Variants in FYB1 observed in about 807,000 individuals in gnomAD.
The protein encoded by FYB1 is FYN-binding protein 1.
FYB1 carries 41 observed loss-of-function variants against 94.1 expected under a neutral mutation model. The ratio of observed to expected loss-of-function variants is 0.44; its 90% CI spans 0.34 to 0.57. The LOEUF (loss-of-function observed/expected upper bound fraction) is 0.57, where lower values mean the gene tolerates loss of function less well. FYB1 is among the 20% of genes least tolerant of loss of function. The pLI is 0.02. For missense variants in FYB1, 1,050 were observed against 976.8 expected (o/e 1.07, Z -1.00); for synonymous variants, 367 against 353.2 (o/e 1.04, Z -0.44).
At chr5:39,120,673 T>C (rs1740007485) in intron 14 of FYB1, among the ~76,000 whole-genome samples, 1 of 152,176 alleles carries the variant, frequency 6.6e-6, no homozygotes, top group African/African-American at 2.4e-5. Flanking sequence ...GCTATAGATA[T>C]CTTTAGTGAG....
chr5:39,157,459 A>G (rs1210318134), intron 2 of FYB1, among the ~76,000 whole-genome samples: 4 of 152,322 alleles, frequency 2.6e-5, no homozygotes, highest in African/African-American at 7.2e-5. Context: ...GGAAACCAGA[A>G]AGCAGGGATG....
At chr5:39,228,139 G>A (rs151154567) in intron 1 of FYB1, among the ~76,000 whole-genome samples, 1 of 152,236 alleles carries the variant, frequency 6.6e-6, no homozygotes, top group East Asian at 1.9e-4. Context: ...AGGATCTGGG[G>A]TCCTGGCCAT....
intron 1 of FYB1, among the ~76,000 whole-genome samples, chr5:39,258,316 C>G (rs559480477): frequency 6.6e-6 from 1 of 152,074 alleles, no homozygotes; most frequent in African/African-American, 2.4e-5. Context: ...AGATATGAAG[C>G]TAGCCGGGCG....
intron 15 of FYB1, among the ~76,000 whole-genome samples, chr5:39,119,334 T>A (rs1273987904): frequency 6.6e-6 from 1 of 152,088 alleles, no homozygotes; most frequent in African/African-American, 2.4e-5. Context: ...TTTATAAAAA[T>A]AAATTTAAAT....
intron 3 of FYB1, among the ~76,000 whole-genome samples, chr5:39,148,328 C>G (rs1207915172): frequency 1.5e-5 from 2 of 134,234 alleles, no homozygotes; most frequent in African/African-American, 5.5e-5. Context: ...CCATGCCCAG[C>G]TGGCCTTTTA....
In FYB1 at chr5:39,202,037, A is replaced by C. The variant is rs373750612; in HGVS notation, c.924T>G (p.Thr308=). Residue 308 remains threonine (T), a synonymous_variant, in exon 2 of 19, where the codon ACT becomes ACG. Transcript: ENST00000512982. ...GGGCCTTAGGGAACCTGGCAGGAGG[A>C]GTCCCTGAGGCCAACTCTTCCTGAT... ...KINQEELASG[T]PPARFPKAPS... 6 of 1,613,864 alleles carry C rather than the reference A, an allele frequency of 3.7e-6. No individual in the cohort carries two copies. The highest frequency in any genetic ancestry group is 3.3e-5 in the Admixed American group (2 of 60,006).
chr5:39,243,519 T>G (rs1751317407), intron 1 of FYB1, among the ~76,000 whole-genome samples: 1 of 151,476 alleles, frequency 6.6e-6, no homozygotes. Flanking sequence ...TTGGTACCAG[T>G]ACCATGCTGT....
intron 1 of FYB1, among the ~76,000 whole-genome samples, chr5:39,274,109 G>C (rs190932838): frequency 4.1e-4 from 63 of 152,198 alleles, no homozygotes; most frequent in African/African-American, 1.5e-3. Flanking sequence ...ATTTTCAGTA[G>C]AGATGGGGTT....
chr5:39,222,205 C>T (rs531576016), upstream of FYB1, among the ~76,000 whole-genome samples: 1 of 152,022 alleles, frequency 6.6e-6, no homozygotes, highest in Non-Finnish European at 1.5e-5. Flanking sequence ...CTGGGTAAGG[C>T]CTTCTGAGCT....
intron 2 of FYB1, among the ~76,000 whole-genome samples, chr5:39,187,457 T>C (rs1746933902): frequency 6.6e-6 from 1 of 152,224 alleles, no homozygotes; most frequent in African/African-American, 2.4e-5. Flanking sequence ...CTTAACATAC[T>C]AAAACATCAC....
At chr5:39,197,052 A>C (rs1185362415) in intron 2 of FYB1, among the ~76,000 whole-genome samples, 1 of 152,192 alleles carries the variant, frequency 6.6e-6, no homozygotes, top group Non-Finnish European at 1.5e-5. Context: ...TTGGATGAGA[A>C]CCTGGAAAGG....
intron 1 of FYB1, among the ~76,000 whole-genome samples, chr5:39,261,475 A>C (rs893447766): frequency 2.0e-5 from 3 of 152,064 alleles, no homozygotes; most frequent in African/African-American, 7.2e-5. Context: ...GGCTGGGTGC[A>C]GTGGCTCACG....
At chr5:39,117,139 C>T (rs1739650734) in intron 16 of FYB1, among the ~76,000 whole-genome samples, 1 of 152,148 alleles carries the variant, frequency 6.6e-6, no homozygotes, top group Non-Finnish European at 1.5e-5. Flanking sequence ...TTAGACTCAT[C>T]ACCTTATTGA....
At position 39,107,344 on chromosome 5, in the gene FYB1, T is replaced by C; in HGVS notation, c.*99A>G. 1 of 739,838 alleles carries C rather than the reference T, an allele frequency of 1.4e-6. No homozygotes were observed. The highest frequency in any genetic ancestry group is 3.2e-5 in the Admixed American group (1 of 31,022). The allele number at this position is 739,838 out of a possible 1,614,324, so 45.8% of individuals were successfully genotyped here. ...TTCATAACAAATGATAATAAGTGGTTTTGTGCATTAATTTTCTTGATACCC... is the reference window on the plus strand; with the variant it reads ...TTCATAACAAATGATAATAAGTGGTCTTGTGCATTAATTTTCTTGATACCC... On this transcript the variant is annotated 3_prime_UTR_variant, in exon 19 of 19. Transcript: ENST00000512982.
chr5:39,222,252 T>C (rs1750300268), upstream of FYB1, among the ~76,000 whole-genome samples: 1 of 152,152 alleles, frequency 6.6e-6, no homozygotes, highest in Non-Finnish European at 1.5e-5. Flanking sequence ...GTTGGAGATA[T>C]GTCTGTGTTT....
chr5:39,263,707 G>A (rs1331945047), intron 1 of FYB1, among the ~76,000 whole-genome samples: 1 of 152,124 alleles, frequency 6.6e-6, no homozygotes, highest in African/African-American at 2.4e-5. Flanking sequence ...CTTAGGACCT[G>A]TTCCCCTCAG....
intron 15 of FYB1, among the ~76,000 whole-genome samples, 184 bp from the exon 16 acceptor site, chr5:39,119,220 T>C (rs1197525254): frequency 6.6e-6 from 1 of 152,102 alleles, no homozygotes; most frequent in Non-Finnish European, 1.5e-5. Context: ...ACCAACCTAA[T>C]ATAATAATTA....
chr5:39,221,149 C>T (rs1199706360), upstream of FYB1, among the ~76,000 whole-genome samples: 28 of 152,140 alleles, frequency 1.8e-4, 1 homozygote, highest in Admixed American at 1.8e-3. Flanking sequence ...GGGATCTATG[C>T]AGAAGGGATC....
At chr5:39,160,739 A>G (rs77592138) in intron 2 of FYB1, among the ~76,000 whole-genome samples, 1 of 152,194 alleles carries the variant, frequency 6.6e-6, no homozygotes. Context: ...AAATATGTCT[A>G]TCTGCCAAGC....
Sources: gnomAD v4.1 joint callset for allele counts (sites outside exome capture counted in the v4.1 genomes callset) on GRCh38, gnomAD v4.1.1 for gene constraint, MANE v1.5 for transcripts, NCBI Gene and HGNC (gene_info 2026-07-23, HGNC 2026-07-21) for gene names.